GLIS2: variants seen among roughly 807,000 people sequenced by gnomAD.
GLIS2 encodes GLIS family zinc finger 2.
In GLIS2, 14 loss-of-function variants were observed where a neutral mutation model predicts 35.6. The observed-to-expected ratio is 0.39, with a 90% CI of 0.26 to 0.61. The LOEUF (loss-of-function observed/expected upper bound fraction) is 0.61. Ranked by LOEUF, GLIS2 falls within the 20% of genes least tolerant of loss-of-function variation. The pLI, the probability that GLIS2 is intolerant of heterozygous loss-of-function variation, is 0.48. For missense variants in GLIS2, 675 were observed against 713.4 expected, an observed-to-expected ratio of 0.95 and a Z score of 0.61; for synonymous variants, 368 against 325.1, an observed-to-expected ratio of 1.13 and a Z score of -1.42.
Position 4,332,405 on chromosome 16 carries a change from T to C in GLIS2, c.125T>C (p.Leu42Pro). 6.2e-7 allele frequency: 1 copy of C among 1,612,832 alleles called. No homozygotes were observed. The highest frequency in any genetic ancestry group is 1.1e-5 in the South Asian group (1 of 91,066). ...CGTGCTCTGCACAGGGAGCTGGGCC[T>C]GGTGGATGACAGCCCCACACCTGGC... is the stretch of plus-strand genomic sequence containing the variant. ...RPRALHRELG[L>P]VDDSPTPGSP... Residue 42 changes from leucine (L) to proline (P), a missense_variant, in exon 2 of 7, where the codon CTG (leucine) becomes CCG (proline). By Grantham distance (98) the Leu-to-Pro change is moderately conservative. Around this residue, in one of 3 missense-constraint regions of GLIS2, gnomAD observed 225 missense variants for 238.7 expected, o/e 0.94. Transcript: ENST00000433375. This position sits in a 1 kb window ranked among gnomAD's most constrained non-coding sequence, Gnocchi z 5.4.
At chr16:4,330,655 G>A (rs1012951447) in intron 1 of GLIS2, among the ~76,000 whole-genome samples, 1 of 152,276 alleles carries the variant, frequency 6.6e-6, no homozygotes, top group Non-Finnish European at 1.5e-5. Flanking sequence ...TTGCCCCCTG[G>A]CCTGGTTCTA....
At chr16:4,316,505 C>A (rs1295079045) in intron 1 of GLIS2, among the ~76,000 whole-genome samples, 1 of 151,820 alleles carries the variant, frequency 6.6e-6, no homozygotes, top group Non-Finnish European at 1.5e-5. Context: ...TCCTTCCCTC[C>A]GTCTGGAGGC....
Position 4,332,323 on chromosome 16 carries a change from A to G in GLIS2, c.43A>G (p.Thr15Ala), listed in dbSNP as rs1338826899. 1.2e-6 allele frequency: 2 copies of G among 1,613,190 alleles called. No individual in the cohort carries two copies. Among genetic ancestry groups the G allele is most frequent in the South Asian group, 2.2e-5 (2 of 91,072 alleles). Residue 15 changes from threonine (T) to alanine (A), a missense_variant, in exon 2 of 7, where the codon ACC (threonine) becomes GCC (alanine). Physicochemically the swap from Thr to Ala is moderately conservative, Grantham distance 58. This residue lies in a region of GLIS2 where 225 missense variants were observed against 238.7 expected (regional missense o/e 0.94). Transcript: ENST00000433375. This position sits in a 1 kb window ranked among gnomAD's most constrained non-coding sequence, Gnocchi z 5.4. ...DEPLDLKLSI[T>A]KLRAAREKRE... ...GCCGCTCGACCTGAAGCTGAGTATC[A>G]CCAAGCTCCGGGCGGCAAGAGAGAA... is the stretch of plus-strand genomic sequence containing the variant.
chr16:4,321,258 G>C (rs1330965609), intron 1 of GLIS2, among the ~76,000 whole-genome samples: 1 of 152,124 alleles, frequency 6.6e-6, no homozygotes, highest in Non-Finnish European at 1.5e-5. Flanking sequence ...CCACACCCTT[G>C]TCCAGCTCTG....
At position 4,320,272 on chromosome 16, in the gene GLIS2, C is replaced by T. The variant is rs574474117; in HGVS notation, c.-67+4018C>T. On this transcript the variant is annotated intron_variant, in intron 1 of 6. Transcript: ENST00000433375. The surrounding 1 kb of genome is among the most constrained non-coding windows in gnomAD (Gnocchi z 5.6). Reference sequence around the variant, plus strand: ...GAAGCCAGCAGAGGCCCCAGGAGACCGCTGAGTGGACTGAGTCAGCCCCCG... The same window carrying T: ...GAAGCCAGCAGAGGCCCCAGGAGACTGCTGAGTGGACTGAGTCAGCCCCCG... Among the ~76,000 whole-genome samples the T allele has an allele frequency of 4.6e-4, 70 of 152,248 alleles. No homozygotes were observed. The highest frequency in any genetic ancestry group is 8.2e-4 in the African/African-American group (34 of 41,536).
At chr16:4,324,190 G>A (rs1015982844) in intron 1 of GLIS2, among the ~76,000 whole-genome samples, 2 of 152,144 alleles carry the variant, frequency 1.3e-5, no homozygotes, top group Non-Finnish European at 2.9e-5. Context: ...CGTCTTGGGA[G>A]GGGGAGGGGC....
At chr16:4,331,143 A>ATT (rs373525092) in intron 1 of GLIS2, among the ~76,000 whole-genome samples, 4 of 147,700 alleles carry the variant, frequency 2.7e-5, no homozygotes, top group East Asian at 3.9e-4. Context: ...CACCTGGCTA[A>ATT]TTTTTTTTTT....
chr16:4,316,048 C>A (rs1307996617), upstream of GLIS2, among the ~76,000 whole-genome samples: 1 of 143,756 alleles, frequency 7.0e-6, no homozygotes, highest in Non-Finnish European at 1.5e-5. Context: ...CATCCCCGCA[C>A]GGCCCGGCCG....
chr16:4,333,663 T>TCCCCTAGAGCCTTCC, intron 3 of GLIS2, 144 bp downstream of exon 3: 3 of 978,106 alleles, frequency 3.1e-6, no homozygotes, highest in Non-Finnish European at 4.4e-6. Context: ...TGGAAGGCTC[T>TCCCCTAGAGCCTTCC]AGGGGAGAAC....
intron 1 of GLIS2, among the ~76,000 whole-genome samples, chr16:4,317,169 C>T (rs2053322300): frequency 6.6e-6 from 1 of 152,170 alleles, no homozygotes; most frequent in Non-Finnish European, 1.5e-5. Context: ...CCAGCCCTGC[C>T]CTGGGGCCTG....
chr16:4,331,773 C>T (rs966586681), intron 1 of GLIS2: 1 of 197,778 alleles, frequency 5.1e-6, no homozygotes, highest in African/African-American at 2.3e-5. Flanking sequence ...GAGACCCGAT[C>T]TCTACAAAAA....
At position 4,335,104 on chromosome 16, in the gene GLIS2, C is replaced by T; in HGVS notation, c.567C>T (p.Val189=). Residue 189 remains valine (V), a synonymous_variant, in exon 5 of 7, where the codon GTC becomes GTT. Coordinates refer to ENST00000433375, the MANE Select transcript of GLIS2 (RefSeq NM_032575.3). This position sits in a 1 kb window ranked among gnomAD's most constrained non-coding sequence, Gnocchi z 4.6. ...FELLQDLVDH[V]NDYHVKPEKD... ...TCCTGCAAGACCTGGTGGACCATGTCAACGATTACCATGTCAAGCCCGAGA... is the reference window on the plus strand; with the variant it reads ...TCCTGCAAGACCTGGTGGACCATGTTAACGATTACCATGTCAAGCCCGAGA... The T allele has an allele frequency of 1.2e-6, 2 of 1,613,480 alleles. No homozygotes were observed. The highest frequency in any genetic ancestry group is 1.7e-6 in the Non-Finnish European group (2 of 1,180,040).
Position 4,337,499 on chromosome 16 carries a change from T to C in GLIS2, c.1550T>C (p.Leu517Pro), listed in dbSNP as rs868011545. Reference sequence around the variant, plus strand: ...GTGGTCATCCCGCCGGGCTCGGTGCTGCTCAAACCGGCTGTGGTGAACTGA... The same window carrying C: ...GTGGTCATCCCGCCGGGCTCGGTGCCGCTCAAACCGGCTGTGGTGAACTGA... ...GWVVIPPGSVLLKPAVVN is the reference protein window; with the variant it reads ...GWVVIPPGSVPLKPAVVN Residue 517 changes from leucine (L) to proline (P), a missense_variant, in exon 7 of 7, where the codon CTG becomes CCG. Around this residue, in one of 3 missense-constraint regions of GLIS2, gnomAD observed 317 missense variants for 283.2 expected, o/e 1.12. Transcript: ENST00000433375. The C allele has an allele frequency of 3.2e-6, 5 of 1,564,252 alleles. No homozygotes were observed. Among genetic ancestry groups the C allele is most frequent in the Middle Eastern group, 3.3e-4 (2 of 5,992 alleles).
Position 4,334,944 on chromosome 16 carries a change from C to T in GLIS2, c.489C>T (p.Pro163=). ...ACAAGTGCCTCTCGCCAGACCTGCC[C>T]CTGCCCAAGCAGCTGGTGTGTCGCT... The part of the protein sequence containing the change: ...PKDKCLSPDL[P]LPKQLVCRWA... Residue 163 remains proline (P), a synonymous_variant, in exon 4 of 7, where the codon CCC becomes CCT. Coordinates refer to ENST00000433375, the MANE Select transcript of GLIS2 (RefSeq NM_032575.3). The T allele has an allele frequency of 6.2e-7, 1 of 1,613,218 alleles. No homozygotes were observed. The highest frequency in any genetic ancestry group is 8.5e-7 in the Non-Finnish European group (1 of 1,180,024).
chr16:4,327,336 T>C (rs1213940041), intron 1 of GLIS2, among the ~76,000 whole-genome samples: 3 of 152,230 alleles, frequency 2.0e-5, no homozygotes, highest in Non-Finnish European at 4.4e-5. Context: ...ATTGAATCCA[T>C]GGACAGATGG....
rs1459684599 is a variant in GLIS2, at chr16:4,334,788, C to A, written c.346-13C>A. ...CCAGCAGGACCTTGACTAGCCCTCCCCTCGCACCCCAGGACTTCCAGCCAC... is the reference window on the plus strand; with the variant it reads ...CCAGCAGGACCTTGACTAGCCCTCCACTCGCACCCCAGGACTTCCAGCCAC... On this transcript the variant is annotated splice_polypyrimidine_tract_variant and intron_variant, in intron 3 of 6. Coordinates refer to ENST00000433375, the MANE Select transcript of GLIS2 (RefSeq NM_032575.3). The A allele has an allele frequency of 6.2e-7, 1 of 1,613,088 alleles. No individual in the cohort carries two copies. Among genetic ancestry groups the A allele is most frequent in the East Asian group, 2.2e-5 (1 of 44,864 alleles).
chr16:4,329,846 A>G (rs1443196753), intron 1 of GLIS2, among the ~76,000 whole-genome samples: 1 of 152,256 alleles, frequency 6.6e-6, no homozygotes, highest in African/African-American at 2.4e-5. Context: ...AATAATCCCA[A>G]TGAACAAACG....
intron 2 of GLIS2, 28 bp from the exon 3 acceptor site, chr16:4,333,319 C>T (rs938005562): frequency 6.2e-7 from 1 of 1,612,100 alleles, no homozygotes; most frequent in African/African-American, 1.3e-5. Context: ...TACACTCCAG[C>T]ACACCCTGAA....
rs778350155 is a variant in GLIS2, at chr16:4,337,211, T to A, written c.1262T>A (p.Phe421Tyr). 9 of 1,547,516 alleles carry A rather than the reference T, an allele frequency of 5.8e-6. No individual in the cohort carries two copies. Among genetic ancestry groups the A allele is most frequent in the Non-Finnish European group, 6.1e-6 (7 of 1,147,052 alleles). Residue 421 changes from phenylalanine (F) to tyrosine (Y), a missense_variant, in exon 7 of 7, where the codon TTT (phenylalanine) becomes TAT (tyrosine). By Grantham distance (22) the Phe-to-Tyr change is conservative. Around this residue, in one of 3 missense-constraint regions of GLIS2, gnomAD observed 317 missense variants for 283.2 expected, o/e 1.12. Transcript: ENST00000433375. ...AAGAACCCGCTGCTGCCCTCGCCCT[T>A]TGGGGCTGGCGGACTGGGCTTGCCT... is the stretch of plus-strand genomic sequence containing the variant. ...LAKNPLLPSP[F>Y]GAGGLGLPVV...
Sources: gnomAD v4.1 joint callset for allele counts (sites outside exome capture counted in the v4.1 genomes callset) on GRCh38, gnomAD v4.1.1 for gene constraint, gnomAD v4.1.1 regional missense constraint, Gnocchi (gnomAD v3.1) non-coding constraint, MANE v1.5 for transcripts, NCBI Gene and HGNC (gene_info 2026-07-23, HGNC 2026-07-21) for gene names.